The following GRID2 variants were observed in gnomAD, a reference collection of about 807,000 sequenced individuals.
GRID2 encodes glutamate ionotropic receptor delta type subunit 2, also known as glutamate receptor ionotropic, delta-2.
In GRID2, 33 loss-of-function variants were observed where a neutral mutation model predicts 114.8. The observed-to-expected ratio is 0.29, with a 90% CI of 0.22 to 0.38. The LOEUF is 0.38. Ranked by LOEUF, GRID2 falls within the 10% of genes least tolerant of loss-of-function variation. The pLI is 1.00. For missense variants in GRID2, 1,184 were observed against 1,257.7 expected (o/e 0.94, Z 0.89); for synonymous variants, 505 against 449.9 (o/e 1.12, Z -1.55).
chr4:92,654,772 G>A (rs919793867), intron 2 of GRID2, among the ~76,000 whole-genome samples: 1 of 151,844 alleles, frequency 6.6e-6, no homozygotes, highest in African/African-American at 2.4e-5. Context: ...TTGTTGAAGT[G>A]TTTGAACTCC....
intron 8 of GRID2, among the ~76,000 whole-genome samples, chr4:93,392,436 C>T (rs541384274): frequency 6.6e-6 from 1 of 152,226 alleles, no homozygotes; most frequent in Admixed American, 6.5e-5. Context: ...CAATAAGAAA[C>T]ATTACCAGTT....
At chr4:92,635,059 G>T (rs185277521) in intron 2 of GRID2, among the ~76,000 whole-genome samples, 2 of 152,178 alleles carry the variant, frequency 1.3e-5, no homozygotes, top group Non-Finnish European at 2.9e-5. Context: ...ATTTTGTGAC[G>T]TAGAGAAATA....
intron 2 of GRID2, among the ~76,000 whole-genome samples, chr4:92,895,249 T>C: frequency 6.6e-6 from 1 of 151,554 alleles, no homozygotes; most frequent in East Asian, 1.9e-4. Context: ...AAAACAAGGT[T>C]CTAAAGATGT....
In GRID2 at chr4:93,593,414, C is replaced by T. The variant is rs367777908; in HGVS notation, c.2194-32855C>T. Among the ~76,000 whole-genome samples, 13 of 130,992 alleles carry T rather than the reference C, an allele frequency of 9.9e-5. No individual in the cohort carries two copies. In the South Asian group the frequency reaches 1.2e-3, roughly 12 times the overall value. The allele number at this position is 130,992 out of a possible 152,430, so 85.9% of individuals were successfully genotyped here. ...CTCTTCTGGCTTGTAGGGTTTCTGC[C>T]GAGAGATCCGCTGTTAGTCTGATGG... On this transcript the variant is annotated intron_variant, in intron 13 of 15. Coordinates refer to ENST00000282020, the MANE Select transcript of GRID2 (RefSeq NM_001510.4).
intron 14 of GRID2, among the ~76,000 whole-genome samples, chr4:93,736,950 A>G (rs1730976758): frequency 6.6e-6 from 1 of 151,746 alleles, no homozygotes; most frequent in African/African-American, 2.4e-5. Flanking sequence ...GGGTCTCCAG[A>G]TCACCATCAT....
chr4:93,799,232 G>T (rs944183388), intron 1 of GRID2, among the ~76,000 whole-genome samples: 6 of 152,172 alleles, frequency 3.9e-5, no homozygotes, highest in Non-Finnish European at 5.9e-5. Flanking sequence ...CATGGGTATT[G>T]TATTTATTTA....
At chr4:92,592,853 A>G (rs1400880073) in intron 2 of GRID2, among the ~76,000 whole-genome samples, 2 of 152,098 alleles carry the variant, frequency 1.3e-5, no homozygotes, top group Non-Finnish European at 2.9e-5. Context: ...GCTTGAAAAA[A>G]ATAAGAGAAA....
At chr4:92,920,707 G>A (rs369181589) in intron 2 of GRID2, among the ~76,000 whole-genome samples, 10 of 152,176 alleles carry the variant, frequency 6.6e-5, no homozygotes, top group South Asian at 2.1e-4. Flanking sequence ...GAGTTTCTGC[G>A]GAGAGATCAG....
intron 14 of GRID2, among the ~76,000 whole-genome samples, chr4:93,721,620 T>A (rs1578656886): frequency 6.6e-6 from 1 of 152,168 alleles, no homozygotes; most frequent in African/African-American, 2.4e-5. Flanking sequence ...TCTCTGTGAT[T>A]GGTGTGAGTA....
chr4:92,597,253 C>G (rs1728997843), intron 2 of GRID2, among the ~76,000 whole-genome samples: 1 of 151,934 alleles, frequency 6.6e-6, no homozygotes, highest in East Asian at 1.9e-4. Context: ...TACCTTTAAA[C>G]AAAATATTAA....
At chr4:92,704,885 T>C (rs868460605) in intron 2 of GRID2, among the ~76,000 whole-genome samples, 1 of 151,724 alleles carries the variant, frequency 6.6e-6, no homozygotes, top group Non-Finnish European at 1.5e-5. Flanking sequence ...GACAAGTGGC[T>C]ATTAGATTCA....
chr4:93,092,065 G>T (rs996951707), intron 3 of GRID2, among the ~76,000 whole-genome samples: 1 of 152,088 alleles, frequency 6.6e-6, no homozygotes, highest in African/African-American at 2.4e-5. Context: ...CCTCACTAAG[G>T]TATATGAGCC....
At chr4:93,571,053 A>C (rs1735888029) in intron 13 of GRID2, among the ~76,000 whole-genome samples, 1 of 152,116 alleles carries the variant, frequency 6.6e-6, no homozygotes, top group Admixed American at 6.6e-5. Context: ...AGAGAATATT[A>C]TTTTGTCTGG....
At chr4:93,249,359 T>C (rs1011417710) in intron 8 of GRID2, among the ~76,000 whole-genome samples, 7 of 152,110 alleles carry the variant, frequency 4.6e-5, no homozygotes, top group African/African-American at 1.7e-4. Flanking sequence ...ATATGGGCTC[T>C]TTTTTGGTTC....
intron 2 of GRID2, among the ~76,000 whole-genome samples, chr4:92,920,859 G>C (rs1560702314): frequency 6.6e-6 from 1 of 152,028 alleles, no homozygotes; most frequent in East Asian, 1.9e-4. Context: ...TATCTTTGTG[G>C]TGTTCTCTGT....
At chr4:92,427,629 C>A (rs1034290934) in intron 1 of GRID2, among the ~76,000 whole-genome samples, 3 of 151,996 alleles carry the variant, frequency 2.0e-5, no homozygotes, top group Admixed American at 6.6e-5. Flanking sequence ...AAGGAGATGA[C>A]TTTTTAAAAG....
At chr4:93,323,724 G>C (rs192303378) in intron 8 of GRID2, among the ~76,000 whole-genome samples, 139 of 152,082 alleles carry the variant, frequency 9.1e-4, no homozygotes, top group Middle Eastern at 3.4e-3. Context: ...TCATTTCATT[G>C]AGCAGTGGTT....
At chr4:93,625,731 C>T (rs964176610) in intron 13 of GRID2, among the ~76,000 whole-genome samples, 1 of 151,970 alleles carries the variant, frequency 6.6e-6, no homozygotes, top group Admixed American at 6.6e-5. Flanking sequence ...CTGGCTAACA[C>T]GGTGAAACCC....
At chr4:92,653,692 A>G (rs1732090969) in intron 2 of GRID2, among the ~76,000 whole-genome samples, 1 of 152,098 alleles carries the variant, frequency 6.6e-6, no homozygotes, top group African/African-American at 2.4e-5. Flanking sequence ...CCACAGCTAT[A>G]AAACAATAGT....
Sources: allele counts gnomAD v4.1 joint callset (sites outside exome capture counted in the v4.1 genomes callset), GRCh38; gene constraint gnomAD v4.1.1; transcripts MANE v1.5; gene names NCBI Gene and HGNC (gene_info 2026-07-23, HGNC 2026-07-21).